TAFA2: variants seen among roughly 807,000 people sequenced by gnomAD.
The protein encoded by TAFA2 is TAFA chemokine like family member 2.
Under a neutral mutation model 18.8 loss-of-function variants are expected in TAFA2, and 7 were observed. That is an observed-to-expected ratio of 0.37 (90% CI 0.21 to 0.70). The LOEUF is 0.70. Ranked by LOEUF, TAFA2 falls within the 30% of genes least tolerant of loss-of-function variation. The pLI, the probability that TAFA2 is intolerant of heterozygous loss-of-function variation, is 0.53. For missense variants in TAFA2, 122 were observed against 158.1 expected (o/e 0.77, Z 1.23); for synonymous variants, 60 against 54.2 (o/e 1.11, Z -0.47).
intron 2 of TAFA2, among the ~76,000 whole-genome samples, chr12:61,768,192 C>G (rs1445752367): frequency 2.0e-5 from 3 of 151,974 alleles, no homozygotes; most frequent in Admixed American, 1.3e-4. Context: ...ACCAGGCACA[C>G]AAAAACTAAA....
chr12:61,831,016 AT>A (rs1872701688), intron 2 of TAFA2, among the ~76,000 whole-genome samples: 1 of 152,018 alleles, frequency 6.6e-6, no homozygotes, highest in Non-Finnish European at 1.5e-5. Flanking sequence ...TTTGAACTCC[AT>A]TTTGTCAGAA....
At chr12:62,080,732 CAGTCATAAATAA>C (rs1415217485) in intron 1 of TAFA2, among the ~76,000 whole-genome samples, 5 of 152,080 alleles carry the variant, frequency 3.3e-5, no homozygotes. Context: ...GTCATAAATA[CAGTCATAAATAA>C]AATATTTATA....
chr12:61,753,783 T>C, intron 3 of TAFA2, 37 bp from the exon 4 acceptor site: 1 of 1,579,646 alleles, frequency 6.3e-7, no homozygotes, highest in Non-Finnish European at 8.6e-7. Context: ...AACATTTTTT[T>C]CTTGGGACTT....
At chr12:62,124,185 A>C (rs186763876) in intron 1 of TAFA2, among the ~76,000 whole-genome samples, 2 of 152,274 alleles carry the variant, frequency 1.3e-5, no homozygotes, top group African/African-American at 4.8e-5. Context: ...AAAACTGTAC[A>C]GAAAAAAAAG....
At chr12:61,836,756 T>TATATATATATATATATATACATATAC (rs68158949) in intron 2 of TAFA2, among the ~76,000 whole-genome samples, 1 of 119,848 alleles carries the variant, frequency 8.3e-6, no homozygotes, top group Non-Finnish European at 1.8e-5. Context: ...TATATATATA[T>TATATATATATATATATATACATATAC]ACACACACAC....
chr12:62,166,180 A>C (rs1371609078), intron 1 of TAFA2, among the ~76,000 whole-genome samples: 1 of 152,104 alleles, frequency 6.6e-6, no homozygotes, highest in Admixed American at 6.6e-5. Context: ...TCTTTAAAAA[A>C]ATTATCTCTC....
chr12:61,829,083 T>C (rs1872624369), intron 2 of TAFA2, among the ~76,000 whole-genome samples: 2 of 151,816 alleles, frequency 1.3e-5, no homozygotes, highest in African/African-American at 2.4e-5. Flanking sequence ...ATTAGTAAGA[T>C]ATTTGTGAGT....
At chr12:62,182,285 TA>T (rs1258342995) in intron 1 of TAFA2, among the ~76,000 whole-genome samples, 1 of 152,136 alleles carries the variant, frequency 6.6e-6, no homozygotes, top group Non-Finnish European at 1.5e-5. Flanking sequence ...AATGGAAGGT[TA>T]AAAAACTAAG....
rs1352688911 is a variant in TAFA2, at chr12:62,191,422, G to A, written c.-165C>T. The A allele has an allele frequency of 1.3e-5, 2 of 152,652 alleles. No homozygotes were observed. The highest frequency in any genetic ancestry group is 4.8e-5 in the African/African-American group (2 of 41,476). The allele number at this position is 152,652 out of a possible 1,614,324, so 9.5% of individuals were successfully genotyped here. A position where few individuals can be genotyped will look rare whatever the true frequency, so the allele number is the denominator to read the frequency against. On this transcript the variant is annotated 5_prime_UTR_variant, in exon 1 of 5. Coordinates refer to ENST00000416284, the MANE Select transcript of TAFA2 (RefSeq NM_178539.5). ...GTCTGGTGCTGTGTGATCGTGGAGG[G>A]CGGCGTGTGAGTGTGGCCCTGAGCG...
intron 1 of TAFA2, among the ~76,000 whole-genome samples, chr12:62,216,145 G>A (rs1317606833): frequency 6.6e-6 from 1 of 152,174 alleles, no homozygotes; most frequent in Non-Finnish European, 1.5e-5. Flanking sequence ...ACCAGCATAT[G>A]GGGGTAAAGT....
At chr12:61,738,302 C>CAA (rs1255530390) in intron 4 of TAFA2, among the ~76,000 whole-genome samples, 1 of 143,830 alleles carries the variant, frequency 7.0e-6, no homozygotes, top group Non-Finnish European at 1.6e-5. Context: ...CACACACACA[C>CAA]ACACACACAC....
At chr12:61,974,969 G>T (rs1879377210) in intron 1 of TAFA2, among the ~76,000 whole-genome samples, 1 of 151,660 alleles carries the variant, frequency 6.6e-6, no homozygotes, top group Admixed American at 6.6e-5. Flanking sequence ...ACTTTGGGAT[G>T]ATTTAGTAGT....
chr12:61,916,231 A>C, intron 1 of TAFA2, among the ~76,000 whole-genome samples: 1 of 152,186 alleles, frequency 6.6e-6, no homozygotes, highest in East Asian at 1.9e-4. Flanking sequence ...GCTAAGAAAT[A>C]ATTCTTGGGG....
intron 1 of TAFA2, among the ~76,000 whole-genome samples, chr12:61,928,474 T>A (rs1362406094): frequency 6.6e-6 from 1 of 152,218 alleles, no homozygotes. Flanking sequence ...AGATACCATC[T>A]CATGCCAGTT....
intron 1 of TAFA2, among the ~76,000 whole-genome samples, chr12:61,957,499 G>A (rs1170362374): frequency 6.6e-6 from 1 of 152,012 alleles, no homozygotes; most frequent in African/African-American, 2.4e-5. Flanking sequence ...ATTAAAGGTG[G>A]GGGATGAGGA....
intron 4 of TAFA2, among the ~76,000 whole-genome samples, chr12:61,723,171 G>T (rs536090208): frequency 1.3e-5 from 2 of 152,044 alleles, no homozygotes; most frequent in East Asian, 3.9e-4. Flanking sequence ...TGATTTATCC[G>T]ATCAGCACTT....
intron 2 of TAFA2, among the ~76,000 whole-genome samples, chr12:61,858,466 T>C (rs1873980013): frequency 6.6e-6 from 1 of 152,100 alleles, no homozygotes; most frequent in Non-Finnish European, 1.5e-5. Flanking sequence ...ACTTTTAAGT[T>C]CTAGGGTACA....
chr12:61,784,287 G>T (rs1870632239), intron 2 of TAFA2, among the ~76,000 whole-genome samples: 1 of 151,528 alleles, frequency 6.6e-6, no homozygotes, highest in African/African-American at 2.4e-5. Flanking sequence ...ACAGAGTAGG[G>T]TCTGAGAAGT....
chr12:61,949,202 T>C (rs1393398539), intron 1 of TAFA2, among the ~76,000 whole-genome samples: 1 of 152,130 alleles, frequency 6.6e-6, no homozygotes, highest in African/African-American at 2.4e-5. Flanking sequence ...AGGCTGACCC[T>C]CCCATGAGTA....
Sources: allele counts gnomAD v4.1 joint callset (sites outside exome capture counted in the v4.1 genomes callset), GRCh38; gene constraint gnomAD v4.1.1; transcripts MANE v1.5; gene names NCBI Gene and HGNC (gene_info 2026-07-23, HGNC 2026-07-21).